Variants in CASK observed in about 807,000 individuals in gnomAD.
The protein encoded by CASK is peripheral plasma membrane protein CASK.
CASK carries 4 observed loss-of-function variants against 82.9 expected under a neutral mutation model. The ratio of observed to expected loss-of-function variants is 0.05; its 90% confidence interval spans 0.02 to 0.11. CASK has a LOEUF of 0.11. CASK is among the 10% of genes least tolerant of loss of function. The pLI, the probability that CASK is intolerant of heterozygous loss-of-function variation, is 1.00. For synonymous variants in CASK, 259 were observed against 253.5 expected (o/e 1.02, Z -0.20); for missense variants, 358 against 720.9 (o/e 0.50, Z 5.76).
chrX:41,705,329 G>T (rs187646561), intron 5 of CASK, among the ~76,000 whole-genome samples: 1 of 111,917 alleles, frequency 8.9e-6, no homozygotes, highest in African/African-American at 3.3e-5. Flanking sequence ...GGCTGAGGTG[G>T]GAGGATTGCT....
At chrX:41,805,178 T>TA (rs1239522560) in intron 2 of CASK, among the ~76,000 whole-genome samples, 6 of 112,338 alleles carry the variant, frequency 5.3e-5, no homozygotes, top group Admixed American at 9.5e-5. Flanking sequence ...TCCTTTGTTT[T>TA]AAAAAATATG....
At chrX:41,606,993 T>C (rs1478245747) in intron 12 of CASK, among the ~76,000 whole-genome samples, 1 of 112,354 alleles carries the variant, frequency 8.9e-6, no homozygotes, top group Non-Finnish European at 1.9e-5. Context: ...ACTCCTGGTC[T>C]TATACTGCAC....
chrX:41,816,104 G>A lies in CASK; in HGVS notation c.173-28821C>T, dbSNP rs187921763. Among the ~76,000 whole-genome samples, 105 of 110,887 alleles carry A rather than the reference G, an allele frequency of 9.5e-4. 1 individual carries two copies. Among genetic ancestry groups the A allele is most frequent in the African/African-American group, 3.4e-3 (103 of 30,471 alleles). On this transcript the variant is annotated intron_variant, in intron 2 of 26. Transcript: ENST00000378163. ...TGAGCTCAAGTGATCCACCCACCTC[G>A]TCCTCCCAAACTGCTGGGATTAAAG...
At chrX:41,756,231 G>A (rs1007041786) in intron 3 of CASK, among the ~76,000 whole-genome samples, 2 of 112,092 alleles carry the variant, frequency 1.8e-5, no homozygotes, top group African/African-American at 6.5e-5. Context: ...CAACAGCACA[G>A]TAGAACATAA....
At chrX:41,810,202 A>G (rs2070239265) in intron 2 of CASK, among the ~76,000 whole-genome samples, 1 of 112,167 alleles carries the variant, frequency 8.9e-6, no homozygotes, top group South Asian at 3.7e-4. Flanking sequence ...CAACCTAGCA[A>G]GGCAGGCCAA....
In CASK at chrX:41,665,382, G is replaced by A. The variant is rs762668504; in HGVS notation, c.603C>T (p.Asp201=). 3.3e-6 allele frequency: 4 copies of A among 1,206,714 alleles called. No individual in the cohort carries two copies. The highest frequency in any genetic ancestry group is 1.8e-5 in the South Asian group (1 of 56,566). ...VKREPYGKPV[D]VWGCGVILFI... ...AAAGGATCACACCGCACCCCCAGAC[G>A]TCTACAGGCTTTCCGTAAGGCTCTC... The change falls in exon 7 of 27, where the codon GAC becomes GAT. Residue 201 remains aspartate, a synonymous_variant. Coordinates refer to ENST00000378163, the MANE Select transcript of CASK (RefSeq NM_001367721.1).
In CASK at chrX:41,665,329, A is replaced by C. The variant is rs1189980578; in HGVS notation, c.656T>G (p.Phe219Cys). 8.3e-7 allele frequency: 1 copy of C among 1,210,347 alleles called. No homozygotes were observed. Among genetic ancestry groups the C allele is most frequent in the South Asian group, 1.8e-5 (1 of 56,851 alleles). The change falls in exon 7 of 27, where the codon TTT (phenylalanine) becomes TGT (cysteine). Residue 219 changes from phenylalanine (F) to cysteine (C), a missense_variant. Coordinates refer to ENST00000378163, the MANE Select transcript of CASK (RefSeq NM_001367721.1). The part of the protein sequence containing the change: ...LFILLSGCLP[F>C]YGTKERLFEG... ...AAACAATCTTTCCTTGGTTCCGTAAAAAGGCAAACAACCACTGAGCAGGAT... is the reference window on the plus strand; with the variant it reads ...AAACAATCTTTCCTTGGTTCCGTAACAAGGCAAACAACCACTGAGCAGGAT...
At chrX:41,832,564 G>A (rs981669616) in intron 2 of CASK, among the ~76,000 whole-genome samples, 1 of 112,168 alleles carries the variant, frequency 8.9e-6, no homozygotes, top group African/African-American at 3.2e-5. Flanking sequence ...ATATACAGTC[G>A]ATCTTCATTA....
chrX:41,707,279 C>T (rs2067901760), intron 5 of CASK, among the ~76,000 whole-genome samples: 2 of 112,138 alleles, frequency 1.8e-5, no homozygotes, highest in South Asian at 7.4e-4. Context: ...GAGACCATCA[C>T]ATTGTAAAGA....
intron 5 of CASK, among the ~76,000 whole-genome samples, chrX:41,710,822 C>T (rs914691067): frequency 2.7e-5 from 3 of 111,168 alleles, no homozygotes; most frequent in African/African-American, 9.8e-5. Context: ...AATGGCCAAT[C>T]GTTTAACCAA....
At chrX:41,567,137 G>A (rs376965284) in intron 16 of CASK, among the ~76,000 whole-genome samples, 5 of 111,818 alleles carry the variant, frequency 4.5e-5, no homozygotes, top group Admixed American at 2.9e-4. Flanking sequence ...TAAAAACCCT[G>A]GAAGAAAACC....
In CASK at chrX:41,663,513, T is replaced by A. The variant is rs537348802; in HGVS notation, c.708+1764A>T. On this transcript the variant is annotated intron_variant, in intron 7 of 26. Coordinates refer to ENST00000378163, the MANE Select transcript of CASK (RefSeq NM_001367721.1). ...GAGGGAATTTTTAAATGACTTAATT[T>A]TTGCACATATGTGAATAGTCTAAGT... is the stretch of plus-strand genomic sequence containing the variant. Among the ~76,000 whole-genome samples the A allele has an allele frequency of 1.2e-4, 13 of 112,569 alleles. No homozygotes were observed. The South Asian group carries it at 4.8e-3, about 41-fold the overall frequency.
At chrX:41,876,993 T>G (rs1188890327) in intron 1 of CASK, among the ~76,000 whole-genome samples, 1 of 111,760 alleles carries the variant, frequency 8.9e-6, no homozygotes, top group Non-Finnish European at 1.9e-5. Flanking sequence ...CAGTTCTAGC[T>G]TTGCAACTAA....
In CASK at chrX:41,679,201, G is replaced by C. The variant is rs188994598; in HGVS notation, c.430-7671C>G. On this transcript the variant is annotated intron_variant, in intron 5 of 26. Transcript: ENST00000378163. The stretch of plus-strand genomic sequence containing the variant: ...GAGTTTTGATGAACTGCATACATTT[G>C]TGTAACCCAAATCCCTAAAAAAATT... 2.9e-3 allele frequency among the ~76,000 whole-genome samples: 325 copies of C among 111,801 alleles called. 1 individual carries two copies. Among genetic ancestry groups the C allele is most frequent in the South Asian group, 0.014 (38 of 2,698 alleles).
At chrX:41,864,997 G>A (rs758084054) in intron 1 of CASK, among the ~76,000 whole-genome samples, 13 of 112,069 alleles carry the variant, frequency 1.2e-4, no homozygotes, top group African/African-American at 3.6e-4. Context: ...AATTGCTTTA[G>A]GGGAAAAAAT....
Position 41,530,989 on chromosome X carries a change from G to A in CASK, c.2520+18C>T. ...CATGCAGGCAGGATGTCAGACATTC[G>A]GGGAGGCTGGGCATTACCTGAGGCT... On this transcript the variant is annotated intron_variant, in intron 25 of 26. Transcript: ENST00000378163. The A allele has an allele frequency of 1.7e-6, 2 of 1,191,093 alleles. No homozygotes were observed. Among genetic ancestry groups the A allele is most frequent in the African/African-American group, 1.7e-5 (1 of 57,293 alleles).
intron 7 of CASK, among the ~76,000 whole-genome samples, chrX:41,661,754 C>T (rs1181344507): frequency 9.1e-6 from 1 of 109,466 alleles, no homozygotes; most frequent in African/African-American, 3.3e-5. Flanking sequence ...TGCCATAAGG[C>T]TGTTTAATTA....
intron 12 of CASK, among the ~76,000 whole-genome samples, chrX:41,592,799 C>A (rs897987499): frequency 1.6e-4 from 18 of 111,807 alleles, no homozygotes; most frequent in African/African-American, 5.5e-4. Context: ...AACATATACT[C>A]ATTCACTTAA....
At chrX:41,842,021 G>C (rs1220034647) in intron 2 of CASK, among the ~76,000 whole-genome samples, 1 of 111,457 alleles carries the variant, frequency 9.0e-6, no homozygotes, top group Non-Finnish European at 1.9e-5. Context: ...TTAGATCTTT[G>C]ATCTACTTTG....
Sources: gnomAD v4.1 joint callset for allele counts (sites outside exome capture counted in the v4.1 genomes callset) on GRCh38, gnomAD v4.1.1 for gene constraint, MANE v1.5 for transcripts, NCBI Gene and HGNC (gene_info 2026-07-23, HGNC 2026-07-21) for gene names.